Variants in MGST2 observed in about 807,000 individuals in gnomAD.
MGST2 encodes glutathione peroxidase MGST2.
Under a neutral mutation model 16.6 loss-of-function variants are expected in MGST2, and 9 were observed. That is an observed-to-expected ratio of 0.54 (90% CI 0.33 to 0.95). MGST2 has a LOEUF of 0.95. Ranked by LOEUF, MGST2 falls within the 40% of genes least tolerant of loss-of-function variation. MGST2 has a pLI of 0.03. For missense variants in MGST2, 159 were observed against 175.1 expected (o/e 0.91, Z 0.52); for synonymous variants, 79 against 68.0 (o/e 1.16, Z -0.79).
downstream of MGST2, among the ~76,000 whole-genome samples, chr4:139,707,614 C>T (rs1727570319): frequency 6.6e-6 from 1 of 151,192 alleles, no homozygotes; most frequent in Non-Finnish European, 1.5e-5. Context: ...AGTTCTAGAT[C>T]CCTGAGGAAT....
chr4:139,739,694 TC>T (rs1361880820), intron 5 of MGST2, among the ~76,000 whole-genome samples: 7 of 141,178 alleles, frequency 5.0e-5, no homozygotes, highest in African/African-American at 1.0e-4. Context: ...TTTTTTTTTT[TC>T]TTTTATGTCC....
the MGST2 span, among the ~76,000 whole-genome samples, chr4:139,745,770 A>T: frequency 1.3e-5 from 2 of 152,240 alleles, no homozygotes; most frequent in Non-Finnish European, 2.9e-5. Context: ...AATTTAGTAT[A>T]CAGGATTTTA....
At chr4:139,683,746 G>C (rs929319809) in intron 2 of MGST2, among the ~76,000 whole-genome samples, 2 of 151,940 alleles carry the variant, frequency 1.3e-5, no homozygotes, top group Non-Finnish European at 2.9e-5. Context: ...AGACATACCC[G>C]AGACTGAGCA....
intron 5 of MGST2, among the ~76,000 whole-genome samples, chr4:139,727,748 A>G (rs981741006): frequency 6.6e-6 from 1 of 152,218 alleles, no homozygotes; most frequent in African/African-American, 2.4e-5. Flanking sequence ...AAGTCTACTG[A>G]GAATCATTTT....
At position 139,735,262 on chromosome 4, in the gene MGST2, CTT is replaced by C. The variant is rs954851158; in HGVS notation, c.*49-4948_*49-4947del. 1.3e-5 allele frequency among the ~76,000 whole-genome samples: 2 copies of C among 152,262 alleles called. No homozygotes were observed. Among genetic ancestry groups the C allele is most frequent in the Non-Finnish European group, 1.5e-5 (1 of 68,052 alleles). On this transcript the variant is annotated intron_variant, in intron 5 of 5. Transcript: ENST00000616265. This position sits in a 1 kb window ranked among gnomAD's most constrained non-coding sequence, Gnocchi z 5.8. Reference sequence around the variant, plus strand: ...GAATTCCCTGGTGACTCGAGGCCCTCTTTGCACAAAATGAGTTCTCTCTCCAT... The same window carrying C: ...GAATTCCCTGGTGACTCGAGGCCCTCTGCACAAAATGAGTTCTCTCTCCAT...
chr4:139,669,321 T>C (rs774924893), intron 1 of MGST2, among the ~76,000 whole-genome samples: 6 of 152,092 alleles, frequency 3.9e-5, no homozygotes, highest in Non-Finnish European at 7.4e-5. Context: ...GGAACCAGAA[T>C]TTGCTCCTTT....
At chr4:139,694,932 A>T (rs1726830757) in intron 2 of MGST2, among the ~76,000 whole-genome samples, 1 of 152,234 alleles carries the variant, frequency 6.6e-6, no homozygotes, top group African/African-American at 2.4e-5. Context: ...CTTTAGGCTC[A>T]GGAGGCCTGT....
chr4:139,706,248 A>G (rs1353707806), downstream of MGST2, among the ~76,000 whole-genome samples: 1 of 152,094 alleles, frequency 6.6e-6, no homozygotes, highest in African/African-American at 2.4e-5. Flanking sequence ...TCCCCTACTC[A>G]TTGGTCATTT....
intron 5 of MGST2, among the ~76,000 whole-genome samples, chr4:139,734,392 C>A (rs1290064262): frequency 6.6e-6 from 1 of 152,170 alleles, no homozygotes; most frequent in Non-Finnish European, 1.5e-5. Context: ...GTTCTCCAAT[C>A]CACTCCTTGC....
intron 5 of MGST2, among the ~76,000 whole-genome samples, chr4:139,726,988 A>C (rs183905039): frequency 2.6e-5 from 4 of 152,350 alleles, no homozygotes; most frequent in Admixed American, 6.5e-5. Flanking sequence ...ATATTCATTA[A>C]GCACCTTTCA....
At chr4:139,743,662 G>C (rs951524900), downstream of MGST2, among the ~76,000 whole-genome samples, 13 of 152,148 alleles carry the variant, frequency 8.5e-5, no homozygotes, top group African/African-American at 3.1e-4. Flanking sequence ...ATACCACACG[G>C]GGAAAAGCCA....
intron 5 of MGST2, among the ~76,000 whole-genome samples, chr4:139,722,920 C>T (rs973685707): frequency 1.9e-4 from 29 of 152,160 alleles, no homozygotes; most frequent in African/African-American, 7.0e-4. Context: ...TATCTCAAAC[C>T]AATCAGTTCA....
chr4:139,720,790 G>A (rs982666256), intron 5 of MGST2, among the ~76,000 whole-genome samples: 2 of 152,098 alleles, frequency 1.3e-5, no homozygotes, highest in Non-Finnish European at 2.9e-5. Flanking sequence ...CCACCTCTGG[G>A]GCTAAATTAG....
At chr4:139,675,176 A>G (rs1056871391) in intron 1 of MGST2, among the ~76,000 whole-genome samples, 1 of 152,188 alleles carries the variant, frequency 6.6e-6, no homozygotes, top group Non-Finnish European at 1.5e-5. Flanking sequence ...AACTATTATT[A>G]TCTTCTCGCT....
At chr4:139,733,388 CCAGCCCGCA>C (rs1728800370) in intron 5 of MGST2, among the ~76,000 whole-genome samples, 1 of 152,190 alleles carries the variant, frequency 6.6e-6, no homozygotes, top group Admixed American at 6.5e-5. Flanking sequence ...TCCTGTGTGA[CCAGCCCGCA>C]CAGCTGGGGA....
intron 1 of MGST2, among the ~76,000 whole-genome samples, chr4:139,677,999 G>C (rs1000142634): frequency 6.6e-6 from 1 of 152,120 alleles, no homozygotes; most frequent in African/African-American, 2.4e-5. Flanking sequence ...AGTGATTTTG[G>C]GGTCCTGAGA....
rs1029229724 is a variant in MGST2, at chr4:139,715,290, G to A, written c.*48+11094G>A. Among the ~76,000 whole-genome samples, 21 of 152,296 alleles carry A rather than the reference G, an allele frequency of 1.4e-4. No individual in the cohort carries two copies. Among genetic ancestry groups the A allele is most frequent in the Admixed American group, 9.2e-4 (14 of 15,300 alleles). ...GTCTATTTCCTTTGTGTTAGGGGGT[G>A]TCTCCCCAGTATCGTCCCATCGTTC... is the stretch of plus-strand genomic sequence containing the variant. On this transcript the variant is annotated intron_variant, in intron 5 of 5. Coordinates refer to the MGST2 transcript ENST00000616265. This position sits in a 1 kb window ranked among gnomAD's most constrained non-coding sequence, Gnocchi z 4.4.
At chr4:139,687,478 T>G (rs1441939241) in intron 2 of MGST2, among the ~76,000 whole-genome samples, 6 of 152,212 alleles carry the variant, frequency 3.9e-5, no homozygotes, top group African/African-American at 1.4e-4. Flanking sequence ...ATCTGTTTTT[T>G]TCCCTGGAGG....
rs1158873063 is a variant in MGST2, at chr4:139,678,960, T to C, written c.158+318T>C. On this transcript the variant is annotated intron_variant, in intron 2 of 4. Transcript: ENST00000265498. ...CCCCTGGAGCCTTGTGAGACCACAA[T>C]AGTCTGAAGTTGGATTCGTTATGCT... 4.8e-5 allele frequency: 20 copies of C among 413,144 alleles called. No homozygotes were observed. In the East Asian group the frequency reaches 8.6e-4, roughly 18 times the overall value. The allele number at this position is 413,144 out of a possible 1,614,324, so 25.6% of individuals were successfully genotyped here.
Sources: gnomAD v4.1 joint callset for allele counts (sites outside exome capture counted in the v4.1 genomes callset) on GRCh38, gnomAD v4.1.1 for gene constraint, Gnocchi (gnomAD v3.1) non-coding constraint, MANE v1.5 for transcripts, NCBI Gene and HGNC (gene_info 2026-07-23, HGNC 2026-07-21) for gene names.